The following PCCB variants were observed in gnomAD, a reference collection of about 807,000 sequenced individuals.
PCCB encodes propionyl-CoA carboxylase subunit beta, also known as propionyl-CoA carboxylase beta chain, mitochondrial.
PCCB carries 43 observed loss-of-function variants against 60.7 expected under a neutral mutation model. The observed-to-expected ratio is 0.71, with a 90% CI of 0.55 to 0.91. PCCB has a LOEUF of 0.91. Among genes scored for constraint, PCCB ranks in the 40% least tolerant of loss-of-function variants. PCCB has a pLI of 0.00. For missense variants in PCCB, 766 were observed against 702.8 expected, an observed-to-expected ratio of 1.09 and a Z score of -1.02; for synonymous variants, 276 against 255.9, an observed-to-expected ratio of 1.08 and a Z score of -0.75.
At chr3:136,252,131 C>CT (rs1941533963) in intron 1 of PCCB, among the ~76,000 whole-genome samples, 3 of 151,458 alleles carry the variant, frequency 2.0e-5, no homozygotes, top group African/African-American at 7.3e-5. Context: ...ATTCACCCAC[C>CT]TTGGCGTCCC....
chr3:136,312,749 C>T (rs2108221284), intron 9 of PCCB, among the ~76,000 whole-genome samples: 1 of 152,172 alleles, frequency 6.6e-6, no homozygotes, highest in Middle Eastern at 3.4e-3. Flanking sequence ...GAAAGATAGA[C>T]AAAGCTGACT....
rs1202774808 is a variant in PCCB at position 136,309,262 on chromosome 3, CA to C, written c.967-7661del. Among the ~76,000 whole-genome samples the C allele has an allele frequency of 0.011, 510 of 47,012 alleles. 3 individuals are homozygous for C. The East Asian group carries it at 0.12, about 11-fold the overall frequency. The allele number at this position is 47,012 out of a possible 152,430, so 30.8% of individuals were successfully genotyped here. A position where few individuals can be genotyped will look rare whatever the true frequency, so the allele number is the denominator to read the frequency against. On this transcript the variant is annotated intron_variant, in intron 9 of 14. Coordinates refer to ENST00000251654, the MANE Select transcript of PCCB (RefSeq NM_000532.5). ...TGGGTGACAGAGCAAGACTCCATCT[CA>C]AAAAAAAAAAAAAAAAAGAAAAGAA...
chr3:136,275,061 C>T (rs1223890621), intron 5 of PCCB, among the ~76,000 whole-genome samples: 2 of 152,138 alleles, frequency 1.3e-5, no homozygotes, highest in Admixed American at 6.5e-5. Context: ...GTCCACCTGC[C>T]TTGCCCTCCC....
intron 9 of PCCB, among the ~76,000 whole-genome samples, chr3:136,303,313 G>T (rs1934353877): frequency 8.2e-6 from 1 of 121,440 alleles, no homozygotes; most frequent in African/African-American, 2.5e-5. Flanking sequence ...AAATATTTTT[G>T]TTGTTGTTTA....
chr3:136,295,942 G>A (rs1383695721), intron 7 of PCCB, among the ~76,000 whole-genome samples: 1 of 151,084 alleles, frequency 6.6e-6, no homozygotes, highest in Non-Finnish European at 1.5e-5. Context: ...TTTTTTGATT[G>A]TAGGGCAGTA....
intron 12 of PCCB, 145 bp downstream of exon 12, chr3:136,327,400 C>G (rs1279241790): frequency 2.6e-6 from 2 of 760,268 alleles, no homozygotes; most frequent in South Asian, 3.0e-5. Context: ...TTGTTCCCAG[C>G]CCCGCAGAAA....
In PCCB at chr3:136,280,289, T is replaced by G. The variant is rs540715619; in HGVS notation, c.544-3548T>G. ...AAATGTCTTAATTTTCCCTTCTTTC[T>G]TGAAGGATAGTTTTGCTGGATATAA... On this transcript the variant is annotated intron_variant, in intron 5 of 14. Coordinates refer to ENST00000251654, the MANE Select transcript of PCCB (RefSeq NM_000532.5). 3.3e-5 allele frequency among the ~76,000 whole-genome samples: 5 copies of G among 152,374 alleles called. No individual in the cohort carries two copies. The South Asian group carries it at 1.0e-3, about 32-fold the overall frequency.
rs776370260 is a variant in PCCB at position 136,293,858 on chromosome 3, A to G, written c.757A>G (p.Met253Val). ...ELGGAKTHTT[M>V]SGVAHRAFEN... is the part of the protein sequence containing the mutation. ...CGGTGGTGCCAAGACCCACACCACC[A>G]TGTCAGGTGAGAGGCCTTGAAGATG... Residue 253 changes from methionine (M) to valine (V), a missense_variant, in exon 7 of 15, where the codon ATG becomes GTG. By Grantham distance (21) the Met-to-Val change is conservative (BLOSUM62 1). Transcript: ENST00000251654. 7.6e-6 allele frequency: 12 copies of G among 1,570,318 alleles called. No homozygotes were observed. The highest frequency in any genetic ancestry group is 4.4e-5 in the South Asian group (4 of 90,170).
At chr3:136,309,801 CAAAA>C (rs202216438) in intron 9 of PCCB, among the ~76,000 whole-genome samples, 2 of 128,380 alleles carry the variant, frequency 1.6e-5, no homozygotes, top group Admixed American at 7.9e-5. Context: ...GACCCTGTCT[CAAAA>C]AAAAAAAAAA....
intron 5 of PCCB, among the ~76,000 whole-genome samples, chr3:136,269,256 C>G (rs984899959): frequency 2.0e-5 from 3 of 152,096 alleles, no homozygotes; most frequent in African/African-American, 7.2e-5. Context: ...AAGACTCCGT[C>G]TCAAAACAAA....
intron 10 of PCCB, among the ~76,000 whole-genome samples, chr3:136,326,102 G>A (rs536750672): frequency 2.6e-5 from 4 of 152,278 alleles, no homozygotes; most frequent in Non-Finnish European, 4.4e-5. Context: ...ATGAGCCACC[G>A]CGCCTGGCCT....
At chr3:136,287,394 A>AGT (rs1352883260) in intron 6 of PCCB, among the ~76,000 whole-genome samples, 8 of 149,222 alleles carry the variant, frequency 5.4e-5, no homozygotes, top group Admixed American at 1.4e-4. Context: ...CTGTGTAGTA[A>AGT]GTGTGTGTGT....
chr3:136,272,371 A>G (rs976435664), intron 5 of PCCB, among the ~76,000 whole-genome samples: 18 of 152,082 alleles, frequency 1.2e-4, no homozygotes, highest in African/African-American at 4.3e-4. Flanking sequence ...TACTGGCTTC[A>G]TAGAATGATT....
intron 10 of PCCB, among the ~76,000 whole-genome samples, chr3:136,320,260 G>A (rs1229619415): frequency 2.6e-5 from 4 of 152,162 alleles, no homozygotes; most frequent in African/African-American, 4.8e-5. Context: ...GATAGGGATG[G>A]TGTTGAATCA....
At chr3:136,259,300 A>G (rs1442032235) in intron 3 of PCCB, 1 of 464,282 alleles carries the variant, frequency 2.2e-6, no homozygotes, top group African/African-American at 2.0e-5. Context: ...AACTGTCTCT[A>G]ATAAAAATAC....
intron 6 of PCCB, among the ~76,000 whole-genome samples, chr3:136,288,511 A>C: frequency 6.6e-6 from 1 of 150,784 alleles, no homozygotes. Flanking sequence ...ATGCCTGCCT[A>C]ATTTTTTTTT....
At chr3:136,278,467 C>T (rs1576322571) in intron 5 of PCCB, among the ~76,000 whole-genome samples, 1 of 152,196 alleles carries the variant, frequency 6.6e-6, no homozygotes, top group East Asian at 1.9e-4. Flanking sequence ...GCTAACACTG[C>T]TTCTTATCTG....
intron 9 of PCCB, among the ~76,000 whole-genome samples, chr3:136,311,333 A>G (rs1285995008): frequency 6.6e-6 from 1 of 152,098 alleles, no homozygotes; most frequent in East Asian, 1.9e-4. Context: ...TTTTAACAGG[A>G]ATGTACAGAA....
At chr3:136,265,324 C>T (rs1413813247) in intron 5 of PCCB, among the ~76,000 whole-genome samples, 1 of 152,210 alleles carries the variant, frequency 6.6e-6, no homozygotes, top group Non-Finnish European at 1.5e-5. Context: ...AAACCTGCCA[C>T]TCACTCCAAA....
Sources: gnomAD v4.1 joint callset for allele counts (sites outside exome capture counted in the v4.1 genomes callset) on GRCh38, gnomAD v4.1.1 for gene constraint, MANE v1.5 for transcripts, NCBI Gene and HGNC (gene_info 2026-07-23, HGNC 2026-07-21) for gene names.